Variants in DENND2C observed in about 807,000 individuals in gnomAD.
DENND2C encodes DENN domain containing 2C.
A neutral mutation model predicts 112.4 loss-of-function variants in DENND2C; 72 were observed. That is an observed-to-expected ratio of 0.64 (90% CI 0.53 to 0.78). The LOEUF (loss-of-function observed/expected upper bound fraction) is 0.78. Among genes scored for constraint, DENND2C ranks in the 30% least tolerant of loss-of-function variants. The probability of loss-of-function intolerance (pLI) is 0.00; values close to 1 mark genes in which losing one functional copy is unlikely to be tolerated. For missense variants in DENND2C, 992 were observed against 1,113.8 expected, an observed-to-expected ratio of 0.89 and a Z score of 1.56; for synonymous variants, 329 against 381.6, an observed-to-expected ratio of 0.86 and a Z score of 1.61.
chr1:114,650,101 C>A (rs1430445411), intron 2 of DENND2C, among the ~76,000 whole-genome samples: 1 of 151,818 alleles, frequency 6.6e-6, no homozygotes, highest in Non-Finnish European at 1.5e-5. Flanking sequence ...GTGGGTGGAT[C>A]ACCTGAGGTG....
At chr1:114,656,032 G>A (rs1657309572) in intron 1 of DENND2C, among the ~76,000 whole-genome samples, 1 of 151,652 alleles carries the variant, frequency 6.6e-6, no homozygotes, top group Admixed American at 6.6e-5. Flanking sequence ...CTGTTTCCAG[G>A]TTTTGGTTAT....
At chr1:114,609,382 G>T (rs1655751994) in intron 9 of DENND2C, among the ~76,000 whole-genome samples, 1 of 152,180 alleles carries the variant, frequency 6.6e-6, no homozygotes, top group South Asian at 2.1e-4. Context: ...TGAAGAAACT[G>T]TCCAGTTCCC....
intron 2 of DENND2C, among the ~76,000 whole-genome samples, chr1:114,649,564 G>C (rs1268091783): frequency 6.6e-6 from 1 of 151,930 alleles, no homozygotes; most frequent in African/African-American, 2.4e-5. Context: ...TTTAAATAGA[G>C]ACAGGGTCTC....
chr1:114,591,855 T>C (rs887284372), intron 18 of DENND2C, among the ~76,000 whole-genome samples: 3 of 148,300 alleles, frequency 2.0e-5, no homozygotes, highest in African/African-American at 7.3e-5. Context: ...ATTGTCCTAG[T>C]ATCATTTATT....
chr1:114,610,046 G>A (rs994278892), intron 9 of DENND2C, among the ~76,000 whole-genome samples: 1 of 152,180 alleles, frequency 6.6e-6, no homozygotes, highest in African/African-American at 2.4e-5. Flanking sequence ...AGTGGAGGGA[G>A]CACAAGACTA....
At chr1:114,631,395 A>T (rs1021979255) in intron 3 of DENND2C, among the ~76,000 whole-genome samples, 4 of 152,140 alleles carry the variant, frequency 2.6e-5, no homozygotes, top group Non-Finnish European at 4.4e-5. Context: ...AAATAAAATG[A>T]AATAAAATAA....
chr1:114,647,891 T>C (rs1303387060), intron 2 of DENND2C, among the ~76,000 whole-genome samples: 2 of 152,084 alleles, frequency 1.3e-5, no homozygotes, highest in Non-Finnish European at 2.9e-5. Context: ...CACTGCAAAC[T>C]CTGCTTCCCA....
At chr1:114,659,045 T>A in intron 1 of DENND2C, among the ~76,000 whole-genome samples, 1 of 152,208 alleles carries the variant, frequency 6.6e-6, no homozygotes, top group East Asian at 1.9e-4. Context: ...TGTATTGATG[T>A]GATAGGGCAC....
intron 2 of DENND2C, among the ~76,000 whole-genome samples, chr1:114,649,357 T>A (rs1361154145): frequency 6.6e-6 from 1 of 152,168 alleles, no homozygotes; most frequent in Non-Finnish European, 1.5e-5. Context: ...ACAACTTTAA[T>A]GTAACCTAGT....
chr1:114,617,668 A>AAC (rs1553234428), intron 8 of DENND2C, among the ~76,000 whole-genome samples: 1 of 152,100 alleles, frequency 6.6e-6, no homozygotes, highest in East Asian at 1.9e-4. Flanking sequence ...AAAAAAAAAA[A>AAC]ACCAGATAAA....
rs368961561 is a variant in DENND2C at position 114,669,727 on chromosome 1, C to T, written c.-574+256G>A. On this transcript the variant is annotated intron_variant, in intron 1 of 20. Coordinates refer to ENST00000393274, the MANE Select transcript of DENND2C (RefSeq NM_001256404.2). Reference sequence around the variant, plus strand: ...GGTAGCGAGGAGGTCTTCAGCCAGGCTCCGCCACAACCCGTGCGGCCACGA... The same window carrying T: ...GGTAGCGAGGAGGTCTTCAGCCAGGTTCCGCCACAACCCGTGCGGCCACGA... Among the ~76,000 whole-genome samples, 194 of 152,200 alleles carry T rather than the reference C, an allele frequency of 1.3e-3. 1 individual carries two copies. The highest frequency in any genetic ancestry group is 4.3e-3 in the African/African-American group (177 of 41,542).
rs566568183 is a variant in DENND2C at position 114,648,868 on chromosome 1, T to A, written c.-316-3309A>T. Among the ~76,000 whole-genome samples, 4 of 152,272 alleles carry A rather than the reference T, an allele frequency of 2.6e-5. No individual in the cohort carries two copies. In the East Asian group the frequency reaches 7.7e-4, roughly 29 times the overall value. ...AAATGGCACGTAAAACTAACTTTAA[T>A]AACATTAAGCTTTTAGAATTTAATT... On this transcript the variant is annotated intron_variant, in intron 2 of 20. Transcript: ENST00000393274.
At chr1:114,662,062 T>C (rs1038979963) in intron 1 of DENND2C, among the ~76,000 whole-genome samples, 3 of 152,166 alleles carry the variant, frequency 2.0e-5, no homozygotes, top group Admixed American at 2.0e-4. Context: ...TTTGTTCCAA[T>C]TACCCCTTAT....
intron 20 of DENND2C, 80 bp downstream of exon 20, chr1:114,587,307 A>T: frequency 3.3e-6 from 5 of 1,512,338 alleles, no homozygotes; most frequent in Non-Finnish European, 4.6e-6. Context: ...TTGACCTCGC[A>T]AAGTGCTGGA....
At chr1:114,605,894 C>A (rs1239561494) in intron 10 of DENND2C, among the ~76,000 whole-genome samples, 1 of 152,162 alleles carries the variant, frequency 6.6e-6, no homozygotes, top group Non-Finnish European at 1.5e-5. Context: ...TTTGGAACTT[C>A]TTGTAAAATT....
At chr1:114,621,440 T>C (rs1440858545) in intron 7 of DENND2C, among the ~76,000 whole-genome samples, 1 of 152,194 alleles carries the variant, frequency 6.6e-6, no homozygotes, top group Non-Finnish European at 1.5e-5. Flanking sequence ...AAGTAATAGA[T>C]TTGTTTTTTT....
intron 4 of DENND2C, among the ~76,000 whole-genome samples, chr1:114,624,127 G>C (rs1656264831): frequency 6.6e-6 from 1 of 152,196 alleles, no homozygotes; most frequent in Non-Finnish European, 1.5e-5. Context: ...GAAGTAGGCT[G>C]TGCCTTACGA....
At chr1:114,667,420 G>C (rs886802394) in intron 1 of DENND2C, among the ~76,000 whole-genome samples, 3 of 152,062 alleles carry the variant, frequency 2.0e-5, no homozygotes, top group African/African-American at 7.2e-5. Context: ...TCTGAGAACA[G>C]ATATTTTTAA....
intron 3 of DENND2C, among the ~76,000 whole-genome samples, chr1:114,633,608 A>G (rs1017123621): frequency 6.6e-6 from 1 of 151,220 alleles, no homozygotes; most frequent in South Asian, 2.1e-4. Flanking sequence ...CTATTAAAAG[A>G]AAAAAAAAGG....
Sources: gnomAD v4.1 joint callset for allele counts (sites outside exome capture counted in the v4.1 genomes callset) on GRCh38, gnomAD v4.1.1 for gene constraint, MANE v1.5 for transcripts, NCBI Gene and HGNC (gene_info 2026-07-23, HGNC 2026-07-21) for gene names.